The following PEMT variants were observed in gnomAD, a reference collection of about 807,000 sequenced individuals.
The protein encoded by PEMT is phosphatidylethanolamine N-methyltransferase, also known as phospholipid methyltransferase.
In PEMT, 23 loss-of-function variants were observed where a neutral mutation model predicts 27.4. The ratio of observed to expected loss-of-function variants is 0.84; its 90% CI spans 0.60 to 1.19. PEMT has a LOEUF of 1.19. PEMT is among the 50% of genes most tolerant of loss of function. The probability of loss-of-function intolerance (pLI) is 0.00; values close to 1 mark genes in which losing one functional copy is unlikely to be tolerated. For missense variants in PEMT, 307 were observed against 310.1 expected (o/e 0.99, Z 0.07); for synonymous variants, 137 against 139.1 (o/e 0.98, Z 0.11).
intron 2 of PEMT, among the ~76,000 whole-genome samples, chr17:17,553,080 C>T (rs1207810360): frequency 3.9e-5 from 6 of 152,204 alleles, no homozygotes; most frequent in Admixed American, 3.9e-4. Flanking sequence ...AGGTGCCTGG[C>T]CGGCTGGGGG....
At position 17,554,301 on chromosome 17, in the gene PEMT, T is replaced by G. The variant is rs150341233; in HGVS notation, c.204+22619A>C. ...CCTCGGTAAACAAGGGTGCAGTTCC[T>G]GACAATCCATGAAGAGAAGATGCTG... is the stretch of plus-strand genomic sequence containing the variant. On this transcript the variant is annotated intron_variant, in intron 2 of 6. Transcript: ENST00000255389. Among the ~76,000 whole-genome samples, 36 of 152,358 alleles carry G rather than the reference T, an allele frequency of 2.4e-4. 1 individual carries two copies. In the East Asian group the frequency reaches 6.7e-3, roughly 29 times the overall value.
chr17:17,579,041 C>A (rs1051931502), intron 1 of PEMT, among the ~76,000 whole-genome samples: 1 of 152,164 alleles, frequency 6.6e-6, no homozygotes, highest in African/African-American at 2.4e-5. Context: ...TTTGGAAATA[C>A]AGTAAATTCC....
chr17:17,543,526 G>C (rs1909037905), intron 2 of PEMT, among the ~76,000 whole-genome samples: 1 of 152,060 alleles, frequency 6.6e-6, no homozygotes, highest in African/African-American at 2.4e-5. Flanking sequence ...TTTCATGAAG[G>C]CATGAAATGC....
At chr17:17,541,789 G>A (rs968547390) in intron 2 of PEMT, among the ~76,000 whole-genome samples, 1 of 152,218 alleles carries the variant, frequency 6.6e-6, no homozygotes, top group African/African-American at 2.4e-5. Flanking sequence ...CTGTGGCCTG[G>A]GCTGCCAAGG....
rs140378331 is a variant in PEMT, at chr17:17,562,141, T to C, written c.204+14779A>G. 2.4e-4 allele frequency among the ~76,000 whole-genome samples: 36 copies of C among 152,258 alleles called. No homozygotes were observed. In the East Asian group the frequency reaches 3.5e-3, roughly 15 times the overall value. On this transcript the variant is annotated intron_variant, in intron 2 of 6. Transcript: ENST00000255389. ...TCCATGTACCAGGCAGTGAGAGGCATAGGGGGCATGAAGCACAGGGCGGGA... is the reference window on the plus strand; with the variant it reads ...TCCATGTACCAGGCAGTGAGAGGCACAGGGGGCATGAAGCACAGGGCGGGA...
At chr17:17,576,820 C>G (rs1911624999) in intron 2 of PEMT, 100 bp downstream of exon 2, 1 of 907,794 alleles carries the variant, frequency 1.1e-6, no homozygotes, top group Non-Finnish European at 1.8e-6. Flanking sequence ...AGCTGTCTGT[C>G]TGTCTGGCCA....
At chr17:17,535,377 C>T (rs1427452232) in intron 2 of PEMT, among the ~76,000 whole-genome samples, 4 of 151,952 alleles carry the variant, frequency 2.6e-5, no homozygotes, top group Non-Finnish European at 2.9e-5. Flanking sequence ...ACCATCCTGG[C>T]CAACGTGGCG....
rs866002430 is a variant in PEMT at position 17,522,345 on chromosome 17, G to A, written c.255C>T (p.Ser85=). Residue 85 remains serine, a synonymous_variant, in exon 3 of 7, where the codon TCC becomes TCT. Coordinates refer to ENST00000255389, the MANE Select transcript of PEMT (RefSeq NM_148172.3). The part of the protein sequence containing the change: ...KTRKLSRAFG[S]PYLACYSLSV... Reference sequence around the variant, plus strand: ...TTAGAGAGTAGCAGGCCAGGTAGGGGGATCCGAAGGCCCTGCTCAGCTTGC... The same window carrying A: ...TTAGAGAGTAGCAGGCCAGGTAGGGAGATCCGAAGGCCCTGCTCAGCTTGC... The A allele has an allele frequency of 6.2e-7, 1 of 1,613,936 alleles. No homozygotes were observed.
chr17:17,579,236 A>G (rs890164357), intron 1 of PEMT, among the ~76,000 whole-genome samples: 2 of 152,194 alleles, frequency 1.3e-5, no homozygotes, highest in African/African-American at 4.8e-5. Flanking sequence ...TGACCATGGG[A>G]TGTCCCTCAG....
At position 17,525,997 on chromosome 17, in the gene PEMT, C is replaced by CAACA. The variant is rs148919041; in HGVS notation, c.205-3606_205-3603dup. 1.1e-4 allele frequency among the ~76,000 whole-genome samples: 16 copies of CAACA among 151,156 alleles called. No individual in the cohort carries two copies. The South Asian group carries it at 2.1e-3, about 20-fold the overall frequency. ...TGACAGAGCGAAACTCTGTATCAAA[C>CAACA]AACAAACAAACAAACAAACAATGTT... is the stretch of plus-strand genomic sequence containing the variant. On this transcript the variant is annotated intron_variant, in intron 2 of 6. Transcript: ENST00000255389.
In PEMT at chr17:17,512,469, G is replaced by A; in HGVS notation, c.466+40C>T. 6.8e-7 allele frequency: 1 copy of A among 1,479,254 alleles called. No homozygotes were observed. The highest frequency in any genetic ancestry group is 2.5e-5 in the East Asian group (1 of 39,466). 91.6% of individuals were successfully genotyped at this position (1,479,254 alleles called of 1,614,324 possible). A position where few individuals can be genotyped will look rare whatever the true frequency, so the allele number is the denominator to read the frequency against. ...GGCCCTGCACCTCCCTGGGGCTCCAGCGGTCCTGCTCAGGGTCACCCCAGC... is the reference window on the plus strand; with the variant it reads ...GGCCCTGCACCTCCCTGGGGCTCCAACGGTCCTGCTCAGGGTCACCCCAGC... On this transcript the variant is annotated intron_variant, in intron 4 of 6. Transcript: ENST00000255389. This position sits in a 1 kb window ranked among gnomAD's most constrained non-coding sequence, Gnocchi z 6.3.
chr17:17,564,576 G>A (rs1567731094), intron 2 of PEMT, among the ~76,000 whole-genome samples: 1 of 152,146 alleles, frequency 6.6e-6, no homozygotes, highest in Non-Finnish European at 1.5e-5. Context: ...AGGCACTTCA[G>A]CAACATCCGG....
chr17:17,572,031 G>A (rs1911240792), intron 2 of PEMT, among the ~76,000 whole-genome samples: 2 of 152,148 alleles, frequency 1.3e-5, no homozygotes, highest in Non-Finnish European at 2.9e-5. Context: ...AAGGACATCC[G>A]TGTCTGACAC....
intron 4 of PEMT, among the ~76,000 whole-genome samples, chr17:17,510,027 A>G (rs1288686581): frequency 6.6e-6 from 1 of 152,026 alleles, no homozygotes; most frequent in East Asian, 1.9e-4. Flanking sequence ...GCTGGTTGCT[A>G]AGGGCTGCTC....
chr17:17,508,967 G>T (rs752943038), intron 5 of PEMT: 15 of 290,342 alleles, frequency 5.2e-5, no homozygotes, highest in African/African-American at 3.0e-4. Context: ...ACAAGGGTCC[G>T]CAAACTACGG....
intron 2 of PEMT, among the ~76,000 whole-genome samples, chr17:17,541,275 G>A (rs549717675): frequency 2.6e-5 from 4 of 152,306 alleles, no homozygotes; most frequent in East Asian, 1.9e-4. Flanking sequence ...GGACAGGTGC[G>A]GTGGTGCCTC....
At chr17:17,541,691 A>C (rs1908895042) in intron 2 of PEMT, among the ~76,000 whole-genome samples, 1 of 152,240 alleles carries the variant, frequency 6.6e-6, no homozygotes, top group South Asian at 2.1e-4. Context: ...GCTCCAGGAA[A>C]GGATTCTGAG....
chr17:17,587,450 A>T (rs1912375794), intron 1 of PEMT, among the ~76,000 whole-genome samples: 1 of 152,190 alleles, frequency 6.6e-6, no homozygotes, highest in African/African-American at 2.4e-5. Flanking sequence ...TTGAGCCCAG[A>T]TGGTTTCCTG....
intron 2 of PEMT, among the ~76,000 whole-genome samples, chr17:17,576,329 AC>A (rs1911585779): frequency 6.6e-6 from 1 of 151,964 alleles, no homozygotes; most frequent in Non-Finnish European, 1.5e-5. Flanking sequence ...GTGCCCGGGC[AC>A]CCAAACATCC....
Sources: allele counts gnomAD v4.1 joint callset (sites outside exome capture counted in the v4.1 genomes callset), GRCh38; gene constraint gnomAD v4.1.1; non-coding constraint Gnocchi (gnomAD v3.1); transcripts MANE v1.5; gene names NCBI Gene and HGNC (gene_info 2026-07-23, HGNC 2026-07-21).